MCTP1: variants seen among roughly 807,000 people sequenced by gnomAD.
The protein encoded by MCTP1 is multiple C2 and transmembrane domain-containing protein 1.
A neutral mutation model predicts 120.6 loss-of-function variants in MCTP1; 69 were observed. The ratio of observed to expected loss-of-function variants is 0.57; its 90% CI spans 0.47 to 0.70. The LOEUF is 0.70. MCTP1 is among the 30% of genes least tolerant of loss of function. The pLI is 0.00. For missense variants in MCTP1, 1,203 were observed against 1,248.8 expected, an observed-to-expected ratio of 0.96 and a Z score of 0.55; for synonymous variants, 529 against 493.1, an observed-to-expected ratio of 1.07 and a Z score of -0.96.
At chr5:95,022,881 G>A (rs953523604) in intron 1 of MCTP1, among the ~76,000 whole-genome samples, 2 of 152,152 alleles carry the variant, frequency 1.3e-5, no homozygotes, top group Non-Finnish European at 2.9e-5. Flanking sequence ...GTCATTGGGA[G>A]AGAAGGACAG....
At chr5:94,953,172 G>T (rs368183379) in intron 3 of MCTP1, 47 bp downstream of exon 3, 2 of 1,529,822 alleles carry the variant, frequency 1.3e-6, no homozygotes, top group African/African-American at 1.4e-5. Flanking sequence ...AGTAAACAGG[G>T]ATTTCCACAT....
intron 2 of MCTP1, among the ~76,000 whole-genome samples, chr5:95,006,398 A>G (rs1232372727): frequency 6.6e-6 from 1 of 151,958 alleles, no homozygotes; most frequent in East Asian, 1.9e-4. Flanking sequence ...AAGATCATAG[A>G]CTATATGAAA....
intron 19 of MCTP1, among the ~76,000 whole-genome samples, chr5:94,744,309 C>T (rs1487344418): frequency 6.6e-6 from 1 of 152,198 alleles, no homozygotes; most frequent in Non-Finnish European, 1.5e-5. Context: ...AAAATCCTGT[C>T]CACAGCTGAA....
intron 1 of MCTP1, among the ~76,000 whole-genome samples, chr5:95,172,181 C>A (rs187497472): frequency 6.6e-6 from 1 of 152,328 alleles, no homozygotes; most frequent in African/African-American, 2.4e-5. Context: ...CCACTCCAGA[C>A]CGTTTGCCTA....
chr5:94,798,399 C>A (rs1253659990), intron 18 of MCTP1, among the ~76,000 whole-genome samples: 3 of 152,102 alleles, frequency 2.0e-5, no homozygotes, highest in East Asian at 3.9e-4. Flanking sequence ...CTCATACAAT[C>A]TGCTTTCAAA....
chr5:94,887,748 G>A (rs1448431846), intron 12 of MCTP1, among the ~76,000 whole-genome samples: 1 of 152,064 alleles, frequency 6.6e-6, no homozygotes, highest in Non-Finnish European at 1.5e-5. Context: ...CTTTTTAAAG[G>A]AACTGTAAAC....
chr5:95,041,004 T>C (rs1346141), intron 1 of MCTP1, among the ~76,000 whole-genome samples: 140,454 of 152,098 alleles, frequency 0.92, 65,906 homozygotes, highest in East Asian at 1. Context: ...TTGGTTGAGC[T>C]ATTGAGTTAG....
intron 21 of MCTP1, 160 bp from the exon 22 acceptor site, chr5:94,708,769 C>T: frequency 1.8e-6 from 1 of 553,342 alleles, no homozygotes; most frequent in East Asian, 3.0e-5. Flanking sequence ...TCCAGCTCAA[C>T]TGCTTTTTTT....
chr5:94,798,615 G>T (rs1049107345), intron 18 of MCTP1, among the ~76,000 whole-genome samples: 1 of 152,010 alleles, frequency 6.6e-6, no homozygotes, highest in Non-Finnish European at 1.5e-5. Context: ...CGAGCACAAA[G>T]AATCTATCTG....
At chr5:95,173,403 T>G (rs1294293734) in intron 1 of MCTP1, among the ~76,000 whole-genome samples, 4 of 152,130 alleles carry the variant, frequency 2.6e-5, no homozygotes, top group Non-Finnish European at 5.9e-5. Flanking sequence ...AAAAAATTTA[T>G]GAGAGAATGA....
chr5:94,858,544 A>C (rs1795140223), intron 17 of MCTP1, among the ~76,000 whole-genome samples: 1 of 151,738 alleles, frequency 6.6e-6, no homozygotes, highest in South Asian at 2.1e-4. Context: ...GGAATTCTAC[A>C]GGACAATGTC....
At chr5:94,871,488 AT>A (rs1266957630) in intron 13 of MCTP1, 71 bp from the exon 14 acceptor site, 1 of 1,027,586 alleles carries the variant, frequency 9.7e-7, no homozygotes, top group Non-Finnish European at 1.5e-6. Context: ...AGTTTTGAAA[AT>A]TTAGATAGCT....
chr5:95,182,040 A>G (rs554745109), intron 1 of MCTP1, among the ~76,000 whole-genome samples: 1 of 152,348 alleles, frequency 6.6e-6, no homozygotes, highest in African/African-American at 2.4e-5. Flanking sequence ...AACACAAAAT[A>G]AAATAAAAAT....
chr5:95,240,144 T>C (rs1756003485), intron 1 of MCTP1, among the ~76,000 whole-genome samples: 1 of 152,222 alleles, frequency 6.6e-6, no homozygotes, highest in African/African-American at 2.4e-5. Flanking sequence ...CTTCATATAG[T>C]TAACTAGCGA....
chr5:95,255,047 A>T (rs1757739286), intron 1 of MCTP1, among the ~76,000 whole-genome samples: 2 of 152,186 alleles, frequency 1.3e-5, no homozygotes, highest in Non-Finnish European at 2.9e-5. Flanking sequence ...GTGTATGTAT[A>T]TGTGTGTACA....
intron 1 of MCTP1, among the ~76,000 whole-genome samples, chr5:95,025,928 G>A (rs1328197204): frequency 1.3e-5 from 2 of 152,244 alleles, no homozygotes; most frequent in East Asian, 1.9e-4. Context: ...TGAAACACCT[G>A]AGTAATATGT....
intron 1 of MCTP1, among the ~76,000 whole-genome samples, chr5:95,251,357 G>A (rs965966857): frequency 5.9e-5 from 9 of 152,088 alleles, no homozygotes; most frequent in African/African-American, 1.4e-4. Flanking sequence ...TGGGAGGGAC[G>A]AGAATAGTCA....
At chr5:95,210,247 T>C (rs1341472282) in intron 1 of MCTP1, among the ~76,000 whole-genome samples, 2 of 152,162 alleles carry the variant, frequency 1.3e-5, no homozygotes, top group Non-Finnish European at 2.9e-5. Context: ...TTCTGTCTTG[T>C]TCATCTGTCT....
intron 19 of MCTP1, among the ~76,000 whole-genome samples, chr5:94,776,555 T>C (rs1444903202): frequency 3.9e-5 from 6 of 152,170 alleles, no homozygotes; most frequent in Non-Finnish European, 4.4e-5. Context: ...ACTTCCAACA[T>C]ATGCTTCAGG....
Sources: gnomAD v4.1 joint callset for allele counts (sites outside exome capture counted in the v4.1 genomes callset) on GRCh38, gnomAD v4.1.1 for gene constraint, MANE v1.5 for transcripts, NCBI Gene and HGNC (gene_info 2026-07-23, HGNC 2026-07-21) for gene names.